Variants in MSMO1 observed in about 807,000 individuals in gnomAD.
The protein encoded by MSMO1 is C-4 methylsterol oxidase.
A neutral mutation model predicts 30.4 loss-of-function variants in MSMO1; 18 were observed. The observed-to-expected ratio is 0.59, with a 90% CI of 0.41 to 0.88. MSMO1 has a LOEUF of 0.88. MSMO1 is among the 40% of genes least tolerant of loss of function. The pLI is 0.00. For missense variants in MSMO1, 284 were observed against 340.5 expected (o/e 0.83, Z 1.31); for synonymous variants, 84 against 107.9 (o/e 0.78, Z 1.37).
At position 165,341,788 on chromosome 4, in the gene MSMO1, C is replaced by G. The variant is rs995087240; in HGVS notation, c.724C>G (p.Pro242Ala). The G allele has an allele frequency of 5.6e-6, 9 of 1,613,098 alleles. No individual in the cohort carries two copies. In the African/African-American group the frequency reaches 1.1e-4, roughly 19 times the overall value. The change falls in exon 6 of 6, where the codon CCT becomes GCT. Residue 242 changes from proline (P) to alanine (A), a missense_variant. Coordinates refer to ENST00000261507, the MANE Select transcript of MSMO1 (RefSeq NM_006745.5). The part of the protein sequence containing the change: ...DIPLNPLNLI[P>A]FYAGSRHHDF... ...TCCTCTCAACCCTTTAAATCTGATC[C>G]CTTTCTATGCTGGTTCTCGGCATCA...
intron 1 of MSMO1, among the ~76,000 whole-genome samples, chr4:165,330,282 G>T (rs529919226): frequency 4.6e-5 from 7 of 152,282 alleles, no homozygotes; most frequent in African/African-American, 1.7e-4. Context: ...CCTACCTCAC[G>T]AAGGTGTGGT....
intron 5 of MSMO1, 111 bp downstream of exon 5, chr4:165,340,486 A>C: frequency 2.2e-6 from 2 of 898,670 alleles, no homozygotes; most frequent in Non-Finnish European, 1.7e-6. Flanking sequence ...AATCTTCTTA[A>C]TGTTATATTA....
intron 2 of MSMO1, among the ~76,000 whole-genome samples, 192 bp downstream of exon 2, chr4:165,333,817 G>T (rs1302107825): frequency 6.6e-6 from 1 of 152,202 alleles, no homozygotes; most frequent in Admixed American, 6.5e-5. Flanking sequence ...ATTTCATAAT[G>T]TGTATCATTT....
At chr4:165,341,648 C>A in intron 5 of MSMO1, 103 bp from the exon 6 acceptor site, 1 of 1,021,120 alleles carries the variant, frequency 9.8e-7, no homozygotes, top group Non-Finnish European at 1.5e-6. Context: ...GGCAAAGTGG[C>A]ATGTTATCTA....
At position 165,337,857 on chromosome 4, in the gene MSMO1, C is replaced by G; in HGVS notation, c.324C>G (p.Ile108Met). ...TTCTTCTCTTTAATCACTTCTGTAT[C>G]CAGCTGCCTTTGATTTGTGGAACCT... is the stretch of plus-strand genomic sequence containing the variant. ...FKVLLFNHFC[I>M]QLPLICGTYY... The change falls in exon 3 of 6, where the codon ATC (isoleucine) becomes ATG (methionine). Residue 108 changes from isoleucine (I) to methionine (M), a missense_variant. By Grantham distance (10) the Ile-to-Met change is conservative. Coordinates refer to ENST00000261507, the MANE Select transcript of MSMO1 (RefSeq NM_006745.5). 6.2e-7 allele frequency: 1 copy of G among 1,613,018 alleles called. No homozygotes were observed. Among genetic ancestry groups the G allele is most frequent in the Non-Finnish European group, 8.5e-7 (1 of 1,179,190 alleles).
chr4:165,333,490 G>A lies in MSMO1; in HGVS notation c.120G>A (p.Met40Ile). 1 of 1,613,546 alleles carries A rather than the reference G, an allele frequency of 6.2e-7. No individual in the cohort carries two copies. Among genetic ancestry groups the A allele is most frequent in the East Asian group, 2.2e-5 (1 of 44,778 alleles). The change falls in exon 2 of 6, where the codon ATG (methionine) becomes ATA (isoleucine). Residue 40 changes from methionine to isoleucine, a missense_variant. Transcript: ENST00000261507. ...QEPFKNAWNY[M>I]LNNYTKFQIA... is the part of the protein sequence containing the mutation. ...CATTTAAAAATGCTTGGAACTATAT[G>A]TTGAATAATTATACAAAGTTCCAGA...
chr4:165,334,897 C>T (rs1747497512), intron 2 of MSMO1, among the ~76,000 whole-genome samples: 1 of 152,058 alleles, frequency 6.6e-6, no homozygotes, highest in East Asian at 1.9e-4. Flanking sequence ...TTGTTGTATC[C>T]ATGGATCCAA....
chr4:165,340,105 A>G, intron 4 of MSMO1, 116 bp from the exon 5 acceptor site: 1 of 840,718 alleles, frequency 1.2e-6, no homozygotes, highest in South Asian at 1.5e-5. Context: ...CTTCACAACA[A>G]CATCTAGACT....
chr4:165,338,055 AT>A (rs1157373070), intron 3 of MSMO1, 118 bp downstream of exon 3: 1 of 936,260 alleles, frequency 1.1e-6, no homozygotes, highest in Non-Finnish European at 1.6e-6. Flanking sequence ...TTGGAAGTAA[AT>A]AAATAGTAGA....
chr4:165,332,723 A>T (rs1028737496), intron 1 of MSMO1, among the ~76,000 whole-genome samples: 1 of 152,168 alleles, frequency 6.6e-6, no homozygotes, highest in Non-Finnish European at 1.5e-5. Flanking sequence ...TGAAGTGAAG[A>T]TTCTTCCTTG....
rs572230596 is a variant in MSMO1, at chr4:165,342,191, A to G, written c.*245A>G. 8 of 376,206 alleles carry G rather than the reference A, an allele frequency of 2.1e-5. No homozygotes were observed. The highest frequency in any genetic ancestry group is 3.9e-5 in the Non-Finnish European group (8 of 204,956). The allele number at this position is 376,206 out of a possible 1,614,324, so 23.3% of individuals were successfully genotyped here. A position where few individuals can be genotyped will look rare whatever the true frequency, so the allele number is the denominator to read the frequency against. On this transcript the variant is annotated 3_prime_UTR_variant, in exon 6 of 6. Transcript: ENST00000261507. ...TTTCATGAGGAAGTTTTAAAAGACC[A>G]TGTTCCTAAGCTTCCAAGAAGGTTT...
At chr4:165,340,188 A>C in intron 4 of MSMO1, 33 bp from the exon 5 acceptor site, 1 of 1,606,980 alleles carries the variant, frequency 6.2e-7, no homozygotes. Context: ...ACAATAGCTA[A>C]GAAATTAAGA....
At chr4:165,330,291 G>A (rs72997735) in intron 1 of MSMO1, among the ~76,000 whole-genome samples, 2,276 of 152,286 alleles carry the variant, frequency 0.015, 56 homozygotes, top group African/African-American at 0.052. Flanking sequence ...CGAAGGTGTG[G>A]TAAGGATTAA....
At chr4:165,335,798 C>T (rs919896895) in intron 2 of MSMO1, among the ~76,000 whole-genome samples, 4 of 152,194 alleles carry the variant, frequency 2.6e-5, no homozygotes, top group East Asian at 3.9e-4. Flanking sequence ...GATAATTTGA[C>T]TTCAAGTCTG....
At chr4:165,332,704 C>A (rs1167375158) in intron 1 of MSMO1, among the ~76,000 whole-genome samples, 1 of 152,192 alleles carries the variant, frequency 6.6e-6, no homozygotes, top group South Asian at 2.1e-4. Flanking sequence ...GGTGCATTTC[C>A]TCATTTAATG....
Position 165,343,025 on chromosome 4 carries a change from T to C in MSMO1, c.*1079T>C, listed in dbSNP as rs1355954149. ...CTTGAAACTTTGTGAACTGACTTGC[T>C]GTATTTGCACTTTGAGCTCTTGAAA... On this transcript the variant is annotated 3_prime_UTR_variant, in exon 6 of 6. Transcript: ENST00000261507. The C allele has an allele frequency of 1.3e-5, 2 of 152,662 alleles. No individual in the cohort carries two copies. Among genetic ancestry groups the C allele is most frequent in the East Asian group, 1.9e-4 (1 of 5,202 alleles). The allele number at this position is 152,662 out of a possible 1,614,324, so 9.5% of individuals were successfully genotyped here.
chr4:165,330,054 T>C (rs1043112248), intron 1 of MSMO1, among the ~76,000 whole-genome samples: 2 of 152,218 alleles, frequency 1.3e-5, no homozygotes, highest in East Asian at 3.8e-4. Flanking sequence ...TACCTTTTCA[T>C]AGAGCTTAGG....
intron 5 of MSMO1, 126 bp downstream of exon 5, chr4:165,340,501 A>G: frequency 9.9e-6 from 8 of 808,220 alleles, no homozygotes; most frequent in South Asian, 4.8e-5. Flanking sequence ...ATATTAAGAA[A>G]ACATAACTGT....
chr4:165,342,620 G>C lies in MSMO1; in HGVS notation c.*674G>C, dbSNP rs1217054127. The C allele has an allele frequency of 1.3e-5, 2 of 152,368 alleles. No homozygotes were observed. Among genetic ancestry groups the C allele is most frequent in the African/African-American group, 4.8e-5 (2 of 41,450 alleles). The allele number at this position is 152,368 out of a possible 1,614,324, so 9.4% of individuals were successfully genotyped here. On this transcript the variant is annotated 3_prime_UTR_variant, in exon 6 of 6. Coordinates refer to ENST00000261507, the MANE Select transcript of MSMO1 (RefSeq NM_006745.5). The stretch of plus-strand genomic sequence containing the variant: ...GATCTGCCCACCTTGGCCTCCCAAA[G>C]TGCTGGGATTACAGGTGTAAGCCAC...
Sources: gnomAD v4.1 joint callset for allele counts (sites outside exome capture counted in the v4.1 genomes callset) on GRCh38, gnomAD v4.1.1 for gene constraint, MANE v1.5 for transcripts, NCBI Gene and HGNC (gene_info 2026-07-23, HGNC 2026-07-21) for gene names.